The following PCDHA12 variants were observed in gnomAD, a reference collection of about 807,000 sequenced individuals.
PCDHA12 encodes the protein protocadherin alpha 12.
A neutral mutation model predicts 60.0 loss-of-function variants in PCDHA12; 44 were observed. That is an observed-to-expected ratio of 0.73 (90% CI 0.58 to 0.94). The LOEUF is 0.94. Ranked by LOEUF, PCDHA12 falls within the 40% of genes least tolerant of loss-of-function variation. The pLI is 0.00. For missense variants in PCDHA12, 1,276 were observed against 1,239.7 expected (o/e 1.03, Z -0.44); for synonymous variants, 569 against 553.0 (o/e 1.03, Z -0.40).
intron 1 of PCDHA12, among the ~76,000 whole-genome samples, chr5:140,912,002 A>T (rs1452427916): frequency 6.6e-6 from 1 of 152,236 alleles, no homozygotes; most frequent in Non-Finnish European, 1.5e-5. Flanking sequence ...ACAATAGGCC[A>T]TCTGCAAGCT....
chr5:141,006,535 G>A (rs1473022946), intron 3 of PCDHA12, among the ~76,000 whole-genome samples: 1 of 152,118 alleles, frequency 6.6e-6, no homozygotes, highest in Non-Finnish European at 1.5e-5. Context: ...TTTTTAAAGA[G>A]AGACATTAAG....
intron 1 of PCDHA12, among the ~76,000 whole-genome samples, chr5:140,912,281 A>G (rs571303094): frequency 3.3e-5 from 5 of 152,200 alleles, no homozygotes; most frequent in Non-Finnish European, 7.4e-5. Context: ...ATACCCAGGA[A>G]CAATACTTTG....
At chr5:140,966,314 G>C (rs1255868901) in intron 1 of PCDHA12, 2 of 388,054 alleles carry the variant, frequency 5.2e-6, no homozygotes, top group Middle Eastern at 6.5e-4. Flanking sequence ...GTGTTCCTGC[G>C]GTCCGCTGGG....
chr5:140,992,382 G>A (rs1275662967), intron 3 of PCDHA12, among the ~76,000 whole-genome samples: 3 of 152,140 alleles, frequency 2.0e-5, no homozygotes, highest in Non-Finnish European at 4.4e-5. Flanking sequence ...ACATTATTGT[G>A]TTCTGGACTT....
chr5:140,984,419 T>C (rs564096734), intron 3 of PCDHA12, among the ~76,000 whole-genome samples: 5 of 152,290 alleles, frequency 3.3e-5, no homozygotes, highest in African/African-American at 9.6e-5. Context: ...TTTACAGAGA[T>C]AGAGAAGGGG....
intron 1 of PCDHA12, among the ~76,000 whole-genome samples, chr5:140,934,702 C>T (rs538683438): frequency 1.3e-5 from 2 of 152,158 alleles, no homozygotes; most frequent in South Asian, 4.2e-4. Context: ...GATTCCTGGC[C>T]ATCTTACAAA....
intron 1 of PCDHA12, among the ~76,000 whole-genome samples, chr5:140,950,689 A>G (rs1585383013): frequency 2.6e-5 from 4 of 152,212 alleles, no homozygotes; most frequent in Admixed American, 2.6e-4. Flanking sequence ...ATTGTTAACC[A>G]AATTTGACAA....
chr5:141,005,118 C>T (rs546410334), intron 3 of PCDHA12, among the ~76,000 whole-genome samples: 1 of 152,198 alleles, frequency 6.6e-6, no homozygotes, highest in South Asian at 2.1e-4. Flanking sequence ...CTTTAGGGAC[C>T]CCAAAAGTGC....
intron 1 of PCDHA12, among the ~76,000 whole-genome samples, chr5:140,943,783 C>A (rs1388163068): frequency 1.3e-5 from 2 of 152,102 alleles, no homozygotes; most frequent in Non-Finnish European, 2.9e-5. Context: ...AGGAAGTGGT[C>A]CTTTATGCAA....
At chr5:140,929,376 G>C in intron 1 of PCDHA12, 1 of 1,513,958 alleles carries the variant, frequency 6.6e-7, no homozygotes, top group Non-Finnish European at 8.8e-7. Flanking sequence ...ATGGCTGCTA[G>C]CTGTGTTTTG....
At chr5:140,999,713 G>A (rs533034174) in intron 3 of PCDHA12, among the ~76,000 whole-genome samples, 2 of 152,226 alleles carry the variant, frequency 1.3e-5, no homozygotes, top group South Asian at 4.2e-4. Flanking sequence ...AGCTAACTAC[G>A]GAGACCAGCC....
Position 141,000,418 on chromosome 5 carries a change from TA to T in PCDHA12, c.2516-9208del, listed in dbSNP as rs1328416600. 5.1e-3 allele frequency among the ~76,000 whole-genome samples: 429 copies of T among 83,548 alleles called. 3 individuals carry two copies. The highest frequency in any genetic ancestry group is 6.3e-3 in the Non-Finnish European group (284 of 45,190). 54.8% of individuals were successfully genotyped at this position (83,548 alleles called of 152,430 possible). A position where few individuals can be genotyped will look rare whatever the true frequency, so the allele number is the denominator to read the frequency against. ...CTCTATATATATATATATATATATA[TA>T]TATTTTTTTTTTTTTTTTTTTTTTT... On this transcript the variant is annotated intron_variant, in intron 3 of 3. Transcript: ENST00000398631.
chr5:140,927,099 T>C (rs782352775), intron 1 of PCDHA12: 1 of 1,613,434 alleles, frequency 6.2e-7, no homozygotes, highest in Non-Finnish European at 8.5e-7. Context: ...TCGGGGTGGA[T>C]CTACCCAGCG....
Position 140,875,430 on chromosome 5 carries a change from C to G in PCDHA12, c.-43C>G. On this transcript the variant is annotated 5_prime_UTR_variant, in exon 1 of 4. Coordinates refer to ENST00000398631, the MANE Select transcript of PCDHA12 (RefSeq NM_018903.4). The stretch of plus-strand genomic sequence containing the variant: ...ATAAAATACCTCAGGCAAGCGATCC[C>G]TTAAAACTGATTGTCCCAACTCAGA... 1 of 1,557,170 alleles carries G rather than the reference C, an allele frequency of 6.4e-7. No individual in the cohort carries two copies.
chr5:140,989,215 C>T (rs1162430361), intron 3 of PCDHA12, among the ~76,000 whole-genome samples: 1 of 152,108 alleles, frequency 6.6e-6, no homozygotes, highest in Non-Finnish European at 1.5e-5. Flanking sequence ...CTTTATACAC[C>T]ATTCTTTGTA....
At chr5:140,905,635 A>ACTGTTGCCTCAGGCAGTGCAGG (rs2071993181) in intron 1 of PCDHA12, among the ~76,000 whole-genome samples, 1 of 152,206 alleles carries the variant, frequency 6.6e-6, no homozygotes, top group South Asian at 2.1e-4. Flanking sequence ...CAGTATGGTC[A>ACTGTTGCCTCAGGCAGTGCAGG]GTTTCACAGT....
At chr5:140,880,242 G>A (rs549683370) in intron 1 of PCDHA12, among the ~76,000 whole-genome samples, 22 of 150,572 alleles carry the variant, frequency 1.5e-4, no homozygotes, top group Admixed American at 7.2e-4. Context: ...GTGTATGTGC[G>A]TGTGTGTATG....
intron 1 of PCDHA12, among the ~76,000 whole-genome samples, chr5:140,879,635 G>A (rs190054745): frequency 3.8e-4 from 58 of 152,286 alleles, no homozygotes; most frequent in African/African-American, 1.2e-3. Context: ...TAAGTGTGTC[G>A]CTTCCTGTGG....
rs782765998 is a variant in PCDHA12, at chr5:140,877,627, A to C, written c.2155A>C (p.Thr719Pro). ...GCTGGTGCTCACGCTGCTGCTGTAC[A>C]CTGCGCTGCGTTGCTCAGCGCCGCC... The part of the protein sequence containing the change: ...SLLVLTLLLY[T>P]ALRCSAPPTV... The change falls in exon 1 of 4, where the codon ACT becomes CCT. Residue 719 changes from threonine to proline, a missense_variant. By Grantham distance (38) the Thr-to-Pro change is conservative (BLOSUM62 -1). Transcript: ENST00000398631. 1 of 1,613,614 alleles carries C rather than the reference A, an allele frequency of 6.2e-7. No individual in the cohort carries two copies. The highest frequency in any genetic ancestry group is 2.2e-5 in the East Asian group (1 of 44,866).
Sources: allele counts gnomAD v4.1 joint callset (sites outside exome capture counted in the v4.1 genomes callset), GRCh38; gene constraint gnomAD v4.1.1; transcripts MANE v1.5; gene names NCBI Gene and HGNC (gene_info 2026-07-23, HGNC 2026-07-21).